Variants in ROBO1 observed in about 807,000 individuals in gnomAD.
ROBO1 encodes the protein roundabout homolog 1.
Under a neutral mutation model 195.9 loss-of-function variants are expected in ROBO1, and 149 were observed. The observed-to-expected ratio is 0.76, with a 90% CI of 0.67 to 0.87. ROBO1 has a LOEUF of 0.87. Ranked by LOEUF, ROBO1 falls within the 40% of genes least tolerant of loss-of-function variation. The pLI is 0.00. For synonymous variants in ROBO1, 816 were observed against 733.2 expected (o/e 1.11, Z -1.82); for missense variants, 1,933 against 2,068.3 (o/e 0.93, Z 1.27).
At chr3:79,301,912 G>A (rs943986527) in intron 2 of ROBO1, among the ~76,000 whole-genome samples, 3 of 152,098 alleles carry the variant, frequency 2.0e-5, no homozygotes, top group African/African-American at 7.2e-5. Context: ...CAATCATAGT[G>A]TTGTAAAATA....
intron 5 of ROBO1, among the ~76,000 whole-genome samples, chr3:78,734,392 C>T (rs1174080340): frequency 1.2e-4 from 5 of 40,094 alleles, no homozygotes; most frequent in Middle Eastern, 9.8e-3. Flanking sequence ...GAGACCCCAC[C>T]GCCACAAAAA....
In ROBO1 at chr3:79,366,726, C is replaced by T. The variant is rs562171008; in HGVS notation, c.88+223098G>A. 2.0e-5 allele frequency among the ~76,000 whole-genome samples: 3 copies of T among 152,264 alleles called. No homozygotes were observed. In the South Asian group the frequency reaches 6.2e-4, roughly 32 times the overall value. On this transcript the variant is annotated intron_variant, in intron 2 of 30. Transcript: ENST00000464233. ...AACGAGAGTTCCAGGGTCACATTTG[C>T]CAATGATGTTTGCCGAGTTTTCAAT... is the stretch of plus-strand genomic sequence containing the variant.
At position 79,171,455 on chromosome 3, in the gene ROBO1, T is replaced by G. The variant is rs551613263; in HGVS notation, c.89-45916A>C. On this transcript the variant is annotated intron_variant, in intron 2 of 30. Transcript: ENST00000464233. ...AAGCCATAACAAAATCTGGGCTTAA[T>G]TTTTTCTTTTGTTGATATTCTAGAT... Among the ~76,000 whole-genome samples the G allele has an allele frequency of 2.6e-4, 39 of 149,194 alleles. 1 individual carries two copies. Among genetic ancestry groups the G allele is most frequent in the African/African-American group, 9.1e-4 (37 of 40,860 alleles).
At chr3:79,483,731 T>C (rs1181681164) in intron 2 of ROBO1, among the ~76,000 whole-genome samples, 1 of 152,142 alleles carries the variant, frequency 6.6e-6, no homozygotes, top group Non-Finnish European at 1.5e-5. Flanking sequence ...ATGGGACCAC[T>C]GTCATGTATG....
intron 3 of ROBO1, among the ~76,000 whole-genome samples, chr3:79,116,667 A>C (rs1486213074): frequency 6.6e-6 from 1 of 150,568 alleles, no homozygotes; most frequent in Non-Finnish European, 1.5e-5. Context: ...ACAGACACCC[A>C]CCACCACGCC....
intron 1 of ROBO1, among the ~76,000 whole-genome samples, chr3:79,627,536 G>A (rs556903347): frequency 1.3e-5 from 2 of 152,122 alleles, no homozygotes; most frequent in African/African-American, 4.8e-5. Flanking sequence ...AAAATCAAAA[G>A]CCATAAAAAT....
At chr3:78,707,579 A>G (rs944321417) in intron 8 of ROBO1, among the ~76,000 whole-genome samples, 3 of 152,222 alleles carry the variant, frequency 2.0e-5, no homozygotes, top group Non-Finnish European at 4.4e-5. Flanking sequence ...GATAAAGTTG[A>G]GAGACTAGAG....
At chr3:78,817,619 G>T (rs951396338) in intron 4 of ROBO1, among the ~76,000 whole-genome samples, 1 of 151,886 alleles carries the variant, frequency 6.6e-6, no homozygotes, top group African/African-American at 2.4e-5. Flanking sequence ...CTTATGAGAA[G>T]AAAAAAATCA....
At chr3:79,461,234 G>A (rs746754559) in intron 2 of ROBO1, among the ~76,000 whole-genome samples, 16 of 151,916 alleles carry the variant, frequency 1.1e-4, no homozygotes, top group Non-Finnish European at 2.2e-4. Flanking sequence ...GAGAAGAAGG[G>A]GTCTATTTCT....
chr3:79,177,645 C>T (rs1457598788), intron 2 of ROBO1, among the ~76,000 whole-genome samples: 1 of 152,156 alleles, frequency 6.6e-6, no homozygotes, highest in Non-Finnish European at 1.5e-5. Flanking sequence ...TTAAGAATGG[C>T]TTTGATTACT....
In ROBO1 at chr3:78,606,227, C is replaced by T. The variant is rs947825848; in HGVS notation, c.4744+506G>A. On this transcript the variant is annotated intron_variant, in intron 29 of 30. Coordinates refer to ENST00000464233, the MANE Select transcript of ROBO1 (RefSeq NM_002941.4). ...TTTATTTTTCACCCAGGCTACAGAA[C>T]AGTTGTGTGATCTCAGCTGACTGCA... Among the ~76,000 whole-genome samples, 4 of 152,206 alleles carry T rather than the reference C, an allele frequency of 2.6e-5. No individual in the cohort carries two copies. The South Asian group carries it at 8.3e-4, about 31-fold the overall frequency.
chr3:78,788,085 G>C (rs1369295579), intron 4 of ROBO1, among the ~76,000 whole-genome samples: 1 of 151,240 alleles, frequency 6.6e-6, no homozygotes, highest in Non-Finnish European at 1.5e-5. Flanking sequence ...GACTACAGGC[G>C]CCTGCCACCG....
rs1367253406 is a variant in ROBO1, at chr3:79,031,983, G to T, written c.173-93056C>A. The stretch of plus-strand genomic sequence containing the variant: ...ACCCAATACTCTTAAACAATAGTGA[G>T]ATGGACACACAGGCTTATATAGGGT... On this transcript the variant is annotated intron_variant, in intron 3 of 30. Coordinates refer to ENST00000464233, the MANE Select transcript of ROBO1 (RefSeq NM_002941.4). Among the ~76,000 whole-genome samples the T allele has an allele frequency of 2.0e-5, 3 of 152,128 alleles. No homozygotes were observed. In the East Asian group the frequency reaches 5.8e-4, roughly 29 times the overall value.
intron 2 of ROBO1, among the ~76,000 whole-genome samples, chr3:79,218,520 C>T (rs1269345841): frequency 6.6e-6 from 1 of 151,800 alleles, no homozygotes; most frequent in Non-Finnish European, 1.5e-5. Flanking sequence ...TATTTTATTG[C>T]AAAGAGGGTT....
intron 4 of ROBO1, among the ~76,000 whole-genome samples, chr3:78,785,765 G>A (rs1028417423): frequency 1.4e-4 from 22 of 152,090 alleles, no homozygotes; most frequent in Non-Finnish European, 2.8e-4. Context: ...ATATAATGGT[G>A]CATAATTATC....
chr3:79,054,863 C>A (rs2078773419), intron 3 of ROBO1, among the ~76,000 whole-genome samples: 1 of 152,110 alleles, frequency 6.6e-6, no homozygotes. Flanking sequence ...CAGACTCAGA[C>A]CAACATTGCG....
chr3:78,925,512 T>C (rs1323600507), intron 4 of ROBO1, among the ~76,000 whole-genome samples: 1 of 152,196 alleles, frequency 6.6e-6, no homozygotes, highest in African/African-American at 2.4e-5. Flanking sequence ...AATCACTCAT[T>C]TCCACTGTGG....
intron 1 of ROBO1, among the ~76,000 whole-genome samples, chr3:79,649,177 C>T (rs1945924547): frequency 6.6e-6 from 1 of 151,942 alleles, no homozygotes; most frequent in Admixed American, 6.6e-5. Context: ...CAACATCCAA[C>T]TGAATTTGAG....
Position 79,554,231 on chromosome 3 carries a change from G to A in ROBO1, c.88+35593C>T, listed in dbSNP as rs1942621832. On this transcript the variant is annotated intron_variant, in intron 2 of 30. Coordinates refer to ENST00000464233, the MANE Select transcript of ROBO1 (RefSeq NM_002941.4). ...GTTCTATGCAATTTCATGATACTGAGTTAGAGACCATGGGACCCAGAAAAG... is the reference window on the plus strand; with the variant it reads ...GTTCTATGCAATTTCATGATACTGAATTAGAGACCATGGGACCCAGAAAAG... Among the ~76,000 whole-genome samples the A allele has an allele frequency of 2.0e-5, 3 of 152,020 alleles. No individual in the cohort carries two copies. The Middle Eastern group carries it at 0.01, about 517-fold the overall frequency.
Sources: allele counts gnomAD v4.1 joint callset (sites outside exome capture counted in the v4.1 genomes callset), GRCh38; gene constraint gnomAD v4.1.1; transcripts MANE v1.5; gene names NCBI Gene and HGNC (gene_info 2026-07-23, HGNC 2026-07-21).